Variants in COL4A5 observed in about 807,000 individuals in gnomAD.
The protein encoded by COL4A5 is collagen alpha-5(IV) chain.
A neutral mutation model predicts 130.2 loss-of-function variants in COL4A5; 26 were observed. The observed-to-expected ratio is 0.20, with a 90% CI of 0.15 to 0.28. The LOEUF (loss-of-function observed/expected upper bound fraction) is 0.28. Among genes scored for constraint, COL4A5 ranks in the 10% least tolerant of loss-of-function variants. The probability of loss-of-function intolerance (pLI) is 1.00; values close to 1 mark genes in which losing one functional copy is unlikely to be tolerated. For synonymous variants in COL4A5, 496 were observed against 439.6 expected, an observed-to-expected ratio of 1.13 and a Z score of -1.60; for missense variants, 1,131 against 1,344.3, an observed-to-expected ratio of 0.84 and a Z score of 2.48.
intron 28 of COL4A5, 109 bp from the exon 29 acceptor site, chrX:108,606,633 G>T: frequency 1.2e-6 from 1 of 865,304 alleles, no homozygotes; most frequent in Admixed American, 2.2e-5. Flanking sequence ...TCCCCCCATG[G>T]AAGGAAAAGT....
intron 36 of COL4A5, among the ~76,000 whole-genome samples, chrX:108,650,593 G>T (rs887289829): frequency 5.4e-5 from 6 of 110,924 alleles, no homozygotes; most frequent in Non-Finnish European, 1.1e-4. Flanking sequence ...AATTCTACTC[G>T]GCCATTAAAA....
Position 108,537,833 on chromosome X carries a change from A to G in COL4A5, c.82-1913A>G, listed in dbSNP as rs184913535. ...CCATTAATGCATGAGTGTTGACAATATGCACAATTTAATTCAGGGACTACG... is the reference window on the plus strand; with the variant it reads ...CCATTAATGCATGAGTGTTGACAATGTGCACAATTTAATTCAGGGACTACG... On this transcript the variant is annotated intron_variant, in intron 1 of 52. Transcript: ENST00000328300. Among the ~76,000 whole-genome samples the G allele has an allele frequency of 7.7e-4, 86 of 112,176 alleles. 1 individual carries two copies. Among genetic ancestry groups the G allele is most frequent in the African/African-American group, 2.5e-3 (77 of 30,984 alleles).
intron 36 of COL4A5, among the ~76,000 whole-genome samples, chrX:108,639,425 T>C (rs2067417680): frequency 9.0e-6 from 1 of 111,225 alleles, no homozygotes; most frequent in Non-Finnish European, 1.9e-5. Flanking sequence ...ACTATAAAAC[T>C]CTTAGAAGAA....
intron 41 of COL4A5, among the ~76,000 whole-genome samples, chrX:108,669,010 G>A (rs1362772809): frequency 1.8e-5 from 2 of 111,668 alleles, no homozygotes; most frequent in Admixed American, 9.5e-5. Context: ...TAGGAACTGG[G>A]CAATCAAATT....
chrX:108,685,467 A>G (rs778599969), intron 47 of COL4A5, among the ~76,000 whole-genome samples: 47 of 112,215 alleles, frequency 4.2e-4, no homozygotes, highest in Admixed American at 2.7e-3. Flanking sequence ...ATGTTAGAAA[A>G]ATTTATAATG....
rs191428454 is a variant in COL4A5 at position 108,455,913 on chromosome X, C to T, written c.81+15707C>T. Among the ~76,000 whole-genome samples, 3 of 111,508 alleles carry T rather than the reference C, an allele frequency of 2.7e-5. No homozygotes were observed. In the East Asian group the frequency reaches 8.4e-4, roughly 31 times the overall value. Reference sequence around the variant, plus strand: ...TTACTTTGGTAGCATAAGTCCTTTACATTTCTTCTTATTCAGGATTGTGTT... The same window carrying T: ...TTACTTTGGTAGCATAAGTCCTTTATATTTCTTCTTATTCAGGATTGTGTT... On this transcript the variant is annotated intron_variant, in intron 1 of 52. Transcript: ENST00000328300.
intron 2 of COL4A5, among the ~76,000 whole-genome samples, chrX:108,548,328 T>C (rs1387083916): frequency 8.9e-6 from 1 of 111,955 alleles, no homozygotes; most frequent in African/African-American, 3.2e-5. Flanking sequence ...CAATTGACCT[T>C]ATGGGCTTAA....
At chrX:108,639,602 T>A (rs1339052344) in intron 36 of COL4A5, among the ~76,000 whole-genome samples, 3 of 111,590 alleles carry the variant, frequency 2.7e-5, no homozygotes, top group Non-Finnish European at 5.7e-5. Context: ...AGGCAACTCA[T>A]GGGATGGAAG....
intron 1 of COL4A5, among the ~76,000 whole-genome samples, chrX:108,483,991 G>T (rs183081362): frequency 3.0e-3 from 339 of 111,830 alleles, no homozygotes; most frequent in Non-Finnish European, 4.9e-3. Flanking sequence ...AGCTGTTTGA[G>T]CTCCTTATAT....
intron 44 of COL4A5, among the ~76,000 whole-genome samples, chrX:108,677,945 A>G (rs1399584249): frequency 8.9e-6 from 1 of 111,876 alleles, no homozygotes; most frequent in Non-Finnish European, 1.9e-5. Context: ...AGCATTGCAT[A>G]TAGATGAATC....
chrX:108,450,674 A>C (rs2064500870), intron 1 of COL4A5, among the ~76,000 whole-genome samples: 1 of 110,971 alleles, frequency 9.0e-6, no homozygotes, highest in Non-Finnish European at 1.9e-5. Context: ...TTGTACAATA[A>C]ATTGTGTTAA....
At chrX:108,640,728 A>C (rs1358014834) in intron 36 of COL4A5, among the ~76,000 whole-genome samples, 4 of 111,803 alleles carry the variant, frequency 3.6e-5, no homozygotes, top group African/African-American at 1.3e-4. Flanking sequence ...AAAAATAATT[A>C]AAATGGTAAG....
chrX:108,627,070 A>G, intron 36 of COL4A5: 1 of 655,458 alleles, frequency 1.5e-6, no homozygotes, highest in South Asian at 7.9e-5. Flanking sequence ...TTCTTTTAAT[A>G]TTATATAAAA....
At chrX:108,690,983 A>G (rs1194717672) in intron 49 of COL4A5, among the ~76,000 whole-genome samples, 4 of 111,868 alleles carry the variant, frequency 3.6e-5, no homozygotes, top group Non-Finnish European at 7.5e-5. Context: ...ATTCAGCCAT[A>G]TAAAAAATGA....
At chrX:108,675,023 T>G (rs1412714992) in intron 43 of COL4A5, among the ~76,000 whole-genome samples, 1 of 111,140 alleles carries the variant, frequency 9.0e-6, no homozygotes, top group African/African-American at 3.3e-5. Flanking sequence ...ACACTTATTT[T>G]TACCTTCAAG....
At chrX:108,649,377 G>A (rs1443412561) in intron 36 of COL4A5, among the ~76,000 whole-genome samples, 1 of 111,210 alleles carries the variant, frequency 9.0e-6, no homozygotes, top group Non-Finnish European at 1.9e-5. Flanking sequence ...ACATACCACC[G>A]TCATTCTTCA....
At chrX:108,664,930 T>C (rs751570982) in intron 37 of COL4A5, among the ~76,000 whole-genome samples, 4 of 112,066 alleles carry the variant, frequency 3.6e-5, no homozygotes, top group Non-Finnish European at 5.6e-5. Context: ...TGTGCAAGGA[T>C]CTGGAACAAT....
intron 1 of COL4A5, among the ~76,000 whole-genome samples, chrX:108,466,675 C>T (rs947093582): frequency 3.6e-5 from 4 of 110,725 alleles, no homozygotes; most frequent in East Asian, 2.8e-4. Context: ...TCATGCCTCA[C>T]TGCAGCCTTT....
chrX:108,667,700 A>G (rs1161336044), intron 40 of COL4A5, among the ~76,000 whole-genome samples: 1 of 110,249 alleles, frequency 9.1e-6, no homozygotes, highest in Non-Finnish European at 1.9e-5. Flanking sequence ...ACGACTGGCC[A>G]TTTTATGGAG....
Sources: gnomAD v4.1 joint callset for allele counts (sites outside exome capture counted in the v4.1 genomes callset) on GRCh38, gnomAD v4.1.1 for gene constraint, MANE v1.5 for transcripts, NCBI Gene and HGNC (gene_info 2026-07-23, HGNC 2026-07-21) for gene names.